The following CCDC141 variants were observed in gnomAD, a reference collection of about 807,000 sequenced individuals.
CCDC141 encodes coiled-coil domain-containing protein 141.
Under a neutral mutation model 181.0 loss-of-function variants are expected in CCDC141, and 168 were observed. The observed-to-expected ratio is 0.93, with a 90% CI of 0.82 to 1.05. The LOEUF is 1.05. CCDC141 is among the 50% of genes least tolerant of loss of function. The pLI is 0.00. For missense variants in CCDC141, 1,902 were observed against 1,788.5 expected, an observed-to-expected ratio of 1.06 and a Z score of -1.14; for synonymous variants, 666 against 642.3, an observed-to-expected ratio of 1.04 and a Z score of -0.56.
intron 5 of CCDC141, among the ~76,000 whole-genome samples, chr2:178,959,128 C>T (rs1260447423): frequency 1.3e-5 from 2 of 148,548 alleles, no homozygotes; most frequent in Non-Finnish European, 3.0e-5. Flanking sequence ...GAAGATCACA[C>T]ACTGGGGCCT....
chr2:178,964,341 A>ATT (rs1219432444), intron 4 of CCDC141, among the ~76,000 whole-genome samples: 1 of 152,176 alleles, frequency 6.6e-6, no homozygotes, highest in African/African-American at 2.4e-5. Flanking sequence ...CCTTCCTCTA[A>ATT]CTAACTCTTA....
At chr2:179,008,653 CA>C (rs905719089) in intron 2 of CCDC141, among the ~76,000 whole-genome samples, 1 of 152,128 alleles carries the variant, frequency 6.6e-6, no homozygotes, top group African/African-American at 2.4e-5. Flanking sequence ...AACATACAAC[CA>C]CGTTTTGGAA....
intron 8 of CCDC141, among the ~76,000 whole-genome samples, chr2:178,894,122 C>T (rs1363645866): frequency 5.3e-5 from 8 of 152,150 alleles, no homozygotes; most frequent in Non-Finnish European, 8.8e-5. Flanking sequence ...TTAAACATGG[C>T]AGAGCCATCA....
At chr2:178,903,130 G>A (rs1687787003) in intron 8 of CCDC141, among the ~76,000 whole-genome samples, 1 of 149,742 alleles carries the variant, frequency 6.7e-6, no homozygotes, top group Non-Finnish European at 1.5e-5. Flanking sequence ...AGGATGTGGA[G>A]AAATAGGAAC....
intron 12 of CCDC141, chr2:178,874,802 CAG>C (rs1446771769): frequency 1.3e-5 from 2 of 152,206 alleles, no homozygotes; most frequent in Non-Finnish European, 2.9e-5. Context: ...GAGAAAACAC[CAG>C]AGATTTTGGC....
chr2:178,961,396 A>C lies in CCDC141; in HGVS notation c.614T>G (p.Val205Gly). The change falls in exon 5 of 24, where the codon GTG (valine) becomes GGG (glycine). Residue 205 changes from valine to glycine, a missense_variant. By Grantham distance (109) the Val-to-Gly change is moderately radical. Transcript: ENST00000443758. ...AGCTCCCTGAGTCAACTCAGGATTC[A>C]CATTAGGTCCTTCACACTTGAATTT... ...IEKFKCEGPN[V>G]NPELTQGAHS... 1 of 1,550,580 alleles carries C rather than the reference A, an allele frequency of 6.4e-7. No individual in the cohort carries two copies. Among genetic ancestry groups the C allele is most frequent in the Non-Finnish European group, 8.7e-7 (1 of 1,146,946 alleles).
chr2:178,828,831 A>AT (rs926146113), downstream of CCDC141, among the ~76,000 whole-genome samples: 5 of 152,232 alleles, frequency 3.3e-5, no homozygotes, highest in South Asian at 2.1e-4. Flanking sequence ...TATTTCACTG[A>AT]TTTTTTTATA....
At position 178,869,146 on chromosome 2, in the gene CCDC141, C is replaced by A; in HGVS notation, c.2365G>T (p.Val789Leu). ...IQDYEDILYK[V>L]VQFHQVKEEL... ...TCCTTGACTTGATGGAACTGGACCA[C>A]CTTGTACAGGATATCCTCGTAATCC... Residue 789 changes from valine (V) to leucine (L), a missense_variant, in exon 15 of 24, where the codon GTG becomes TTG. Coordinates refer to ENST00000443758, the MANE Select transcript of CCDC141 (RefSeq NM_173648.4). 2 of 1,610,618 alleles carry A rather than the reference C, an allele frequency of 1.2e-6. No homozygotes were observed. The highest frequency in any genetic ancestry group is 1.7e-6 in the Non-Finnish European group (2 of 1,178,864).
intron 9 of CCDC141, 151 bp downstream of exon 9, chr2:178,888,376 A>G (rs1686985693): frequency 1.4e-6 from 1 of 706,916 alleles, no homozygotes; most frequent in Admixed American, 2.6e-5. Flanking sequence ...GTGAATTACA[A>G]CTCTGTTTAG....
intron 2 of CCDC141, among the ~76,000 whole-genome samples, chr2:179,031,738 C>A (rs1029608438): frequency 6.6e-6 from 1 of 152,038 alleles, no homozygotes; most frequent in African/African-American, 2.4e-5. Context: ...GACACACTAG[C>A]AAAGTGTTTT....
chr2:179,024,771 T>G (rs2042785899), intron 2 of CCDC141, among the ~76,000 whole-genome samples: 1 of 152,262 alleles, frequency 6.6e-6, no homozygotes, highest in Non-Finnish European at 1.5e-5. Flanking sequence ...TGAATATTTT[T>G]GCCTCTAACT....
At chr2:178,956,652 G>A (rs1225107488) in intron 5 of CCDC141, among the ~76,000 whole-genome samples, 1 of 152,116 alleles carries the variant, frequency 6.6e-6, no homozygotes, top group Non-Finnish European at 1.5e-5. Context: ...TTTATTGACT[G>A]ATTATATTTA....
In CCDC141 at chr2:178,831,077, G is replaced by A. The variant is rs1206332542; in HGVS notation, c.*3096C>T. 1 of 152,114 alleles carries A rather than the reference G, an allele frequency of 6.6e-6. No individual in the cohort carries two copies. Among genetic ancestry groups the A allele is most frequent in the Non-Finnish European group, 1.5e-5 (1 of 68,002 alleles). The allele number at this position is 152,114 out of a possible 1,614,324, so 9.4% of individuals were successfully genotyped here. On this transcript the variant is annotated 3_prime_UTR_variant, in exon 24 of 24. Transcript: ENST00000443758. ...TATTTTAAGTATGTGTCTTGATTAT[G>A]AGTGATAGAGGTTACCATTATTGAT...
intron 2 of CCDC141, among the ~76,000 whole-genome samples, chr2:179,016,997 T>C (rs2042561744): frequency 6.6e-6 from 1 of 152,104 alleles, no homozygotes; most frequent in Non-Finnish European, 1.5e-5. Flanking sequence ...TTTCTTCTTA[T>C]TTTTTTAATA....
At chr2:179,011,441 G>T (rs188567725) in intron 2 of CCDC141, among the ~76,000 whole-genome samples, 1 of 152,164 alleles carries the variant, frequency 6.6e-6, no homozygotes, top group South Asian at 2.1e-4. Context: ...AAACATACAC[G>T]TACCTAACAT....
intron 18 of CCDC141, among the ~76,000 whole-genome samples, 187 bp from the exon 19 acceptor site, chr2:178,855,728 C>A (rs936511246): frequency 3.3e-5 from 5 of 152,074 alleles, no homozygotes; most frequent in Non-Finnish European, 5.9e-5. Flanking sequence ...TAGCATTCAG[C>A]AAATAAATAG....
intron 8 of CCDC141, among the ~76,000 whole-genome samples, chr2:178,894,059 C>T (rs1288952721): frequency 6.6e-6 from 1 of 152,060 alleles, no homozygotes; most frequent in Admixed American, 6.6e-5. Flanking sequence ...ATTCTCTGCC[C>T]TCATTAGGGG....
At chr2:179,002,444 T>C in intron 2 of CCDC141, 1 of 386,374 alleles carries the variant, frequency 2.6e-6, no homozygotes, top group South Asian at 2.0e-5. Context: ...TGACGCCTCA[T>C]CACTTGGGGC....
chr2:178,977,700 A>G (rs892479903), intron 3 of CCDC141, among the ~76,000 whole-genome samples: 1 of 152,166 alleles, frequency 6.6e-6, no homozygotes, highest in East Asian at 1.9e-4. Context: ...TTAAAATGTC[A>G]TATTTTTCAA....
Sources: gnomAD v4.1 joint callset for allele counts (sites outside exome capture counted in the v4.1 genomes callset) on GRCh38, gnomAD v4.1.1 for gene constraint, MANE v1.5 for transcripts, NCBI Gene and HGNC (gene_info 2026-07-23, HGNC 2026-07-21) for gene names.